The following TIAM1 variants were observed in gnomAD, a reference collection of about 807,000 sequenced individuals.
TIAM1 encodes the protein rho guanine nucleotide exchange factor TIAM1.
In TIAM1, 65 loss-of-function variants were observed where a neutral mutation model predicts 163.5. That is an observed-to-expected ratio of 0.40 (90% CI 0.33 to 0.49). The LOEUF is 0.49. Ranked by LOEUF, TIAM1 falls within the 20% of genes least tolerant of loss-of-function variation. The probability of loss-of-function intolerance (pLI) is 0.77; values close to 1 mark genes in which losing one functional copy is unlikely to be tolerated. For synonymous variants in TIAM1, 833 were observed against 810.1 expected, an observed-to-expected ratio of 1.03 and a Z score of -0.48; for missense variants, 1,789 against 2,044.7, an observed-to-expected ratio of 0.87 and a Z score of 2.41.
chr21:31,300,194 C>T (rs2074447957), intron 2 of TIAM1, among the ~76,000 whole-genome samples: 1 of 152,140 alleles, frequency 6.6e-6, no homozygotes, highest in African/African-American at 2.4e-5. Flanking sequence ...TATCTTGCTC[C>T]TGCTCCCCTG....
chr21:31,265,869 A>G (rs2072731325), intron 4 of TIAM1, 141 bp downstream of exon 4: 1 of 1,222,708 alleles, frequency 8.2e-7, no homozygotes, highest in East Asian at 2.5e-5. Flanking sequence ...AAATCCTCCC[A>G]AAACAGCACC....
chr21:31,445,706 G>C (rs1327393436), intron 2 of TIAM1, among the ~76,000 whole-genome samples: 1 of 152,102 alleles, frequency 6.6e-6, no homozygotes, highest in African/African-American at 2.4e-5. Context: ...TAAAATTCAA[G>C]AGTTTATTCA....
chr21:31,496,652 A>G (rs181817026), intron 1 of TIAM1, among the ~76,000 whole-genome samples: 8 of 152,150 alleles, frequency 5.3e-5, no homozygotes, highest in African/African-American at 1.7e-4. Flanking sequence ...CTAAGTGTCC[A>G]ATATTTATAG....
chr21:31,292,371 C>CG (rs1230222290), intron 2 of TIAM1, among the ~76,000 whole-genome samples: 2 of 138,836 alleles, frequency 1.4e-5, no homozygotes, highest in African/African-American at 2.7e-5. Flanking sequence ...TTTCAATTTC[C>CG]TTTTTTTTTT....
At chr21:31,182,380 A>G (rs780326333) in intron 15 of TIAM1, 41 bp downstream of exon 15, 4 of 1,458,852 alleles carry the variant, frequency 2.7e-6, no homozygotes, top group African/African-American at 1.4e-5. Context: ...TCGTGGCACA[A>G]CGGAGTTCAG....
In TIAM1 at chr21:31,437,977, T is replaced by C. The variant is rs569959483; in HGVS notation, c.-369+26006A>G. 3.3e-5 allele frequency among the ~76,000 whole-genome samples: 5 copies of C among 152,254 alleles called. No homozygotes were observed. The East Asian group carries it at 5.8e-4, about 18-fold the overall frequency. ...TGGACAGTTAGATCACCTCTGGTAG[T>C]TGAACATTCAAAAAATTATCTCAGC... On this transcript the variant is annotated intron_variant, in intron 2 of 28. Coordinates refer to the TIAM1 transcript ENST00000286827.
chr21:31,185,108 G>C (rs995302828), intron 14 of TIAM1, among the ~76,000 whole-genome samples: 4 of 152,090 alleles, frequency 2.6e-5, no homozygotes, highest in African/African-American at 4.8e-5. Flanking sequence ...AAGCACAGTT[G>C]ATCTGGATGT....
chr21:31,292,983 G>A (rs565626246), intron 2 of TIAM1, among the ~76,000 whole-genome samples: 4 of 152,140 alleles, frequency 2.6e-5, no homozygotes, highest in Admixed American at 6.6e-5. Flanking sequence ...GCCACCATGC[G>A]CAGCTCATTT....
At position 31,217,609 on chromosome 21, in the gene TIAM1, G is replaced by A. The variant is rs148211644; in HGVS notation, c.2086C>T (p.Leu696=). ...ASKRRSRFSS[L]WGLDTTSKKK... Reference sequence around the variant, plus strand: ...TTGGAGGTAGTATCCAGACCCCACAGAGAAGAAAACCTGCTCCTTCGCTTG... The same window carrying A: ...TTGGAGGTAGTATCCAGACCCCACAAAGAAGAAAACCTGCTCCTTCGCTTG... Residue 696 remains leucine, a synonymous_variant, in exon 9 of 28, where the codon CTG becomes TTG. Transcript: ENST00000541036. 1.2e-5 allele frequency: 20 copies of A among 1,614,002 alleles called. No homozygotes were observed. In the African/African-American group the frequency reaches 2.5e-4, roughly 20 times the overall value.
chr21:31,158,041 T>G (rs2083713894), intron 16 of TIAM1, among the ~76,000 whole-genome samples: 2 of 152,164 alleles, frequency 1.3e-5, no homozygotes, highest in East Asian at 3.9e-4. Flanking sequence ...CATAAATACT[T>G]TGAGAATTCC....
At chr21:31,539,261 T>C (rs2048240672) in intron 1 of TIAM1, among the ~76,000 whole-genome samples, 1 of 139,240 alleles carries the variant, frequency 7.2e-6, no homozygotes, top group Admixed American at 7.1e-5. Context: ...AGAGAGGGAA[T>C]GGGTTACTCT....
At chr21:31,514,895 A>C (rs2047330968) in intron 1 of TIAM1, among the ~76,000 whole-genome samples, 1 of 152,216 alleles carries the variant, frequency 6.6e-6, no homozygotes, top group Non-Finnish European at 1.5e-5. Context: ...GTTCCAGCGG[A>C]AAGCCGATGT....
rs1440313511 is a variant in TIAM1, at chr21:31,118,815, T to C, written c.*1553A>G. ...TTTCAAAAGATCAAGCTCGAAGCCC[T>C]GGAAACCCGAAAGGCGGGGGGAATA... On this transcript the variant is annotated 3_prime_UTR_variant, in exon 28 of 28. Coordinates refer to ENST00000541036, the MANE Select transcript of TIAM1 (RefSeq NM_001353694.2). The C allele has an allele frequency of 1.7e-5, 6 of 356,970 alleles. No individual in the cohort carries two copies. Among genetic ancestry groups the C allele is most frequent in the South Asian group, 4.4e-5 (2 of 45,342 alleles). The allele number at this position is 356,970 out of a possible 1,614,324, so 22.1% of individuals were successfully genotyped here.
At chr21:31,451,367 A>G (rs1328224243) in intron 2 of TIAM1, among the ~76,000 whole-genome samples, 1 of 152,190 alleles carries the variant, frequency 6.6e-6, no homozygotes, top group Non-Finnish European at 1.5e-5. Context: ...GAATTTTTAA[A>G]TTCAGATAAT....
chr21:31,503,514 A>C (rs1204599127), intron 1 of TIAM1, among the ~76,000 whole-genome samples: 2 of 119,822 alleles, frequency 1.7e-5, no homozygotes, highest in African/African-American at 6.3e-5. Context: ...AGAGAAAAAA[A>C]GAGAAAGAGA....
chr21:31,376,495 G>A (rs2076690106), intron 2 of TIAM1, among the ~76,000 whole-genome samples: 1 of 152,128 alleles, frequency 6.6e-6, no homozygotes, highest in African/African-American at 2.4e-5. Context: ...GGCAAACATT[G>A]GCACAGATGC....
intron 15 of TIAM1, among the ~76,000 whole-genome samples, chr21:31,171,361 T>C (rs965350049): frequency 6.6e-6 from 1 of 152,196 alleles, no homozygotes; most frequent in South Asian, 2.1e-4. Flanking sequence ...CATATAAGAT[T>C]GAAAATTCAG....
chr21:31,296,150 T>C (rs1049514388), intron 2 of TIAM1, among the ~76,000 whole-genome samples: 3 of 152,188 alleles, frequency 2.0e-5, no homozygotes, highest in African/African-American at 7.2e-5. Flanking sequence ...AATAGTATGA[T>C]CATTTTGGTA....
At chr21:31,427,036 T>A (rs2043817573) in intron 2 of TIAM1, among the ~76,000 whole-genome samples, 1 of 152,118 alleles carries the variant, frequency 6.6e-6, no homozygotes, top group South Asian at 2.1e-4. Flanking sequence ...TCCTCCCACC[T>A]CAGCCTCCTG....
Sources: allele counts gnomAD v4.1 joint callset (sites outside exome capture counted in the v4.1 genomes callset), GRCh38; gene constraint gnomAD v4.1.1; transcripts MANE v1.5; gene names NCBI Gene and HGNC (gene_info 2026-07-23, HGNC 2026-07-21).